RGS7BP: variants seen among roughly 807,000 people sequenced by gnomAD.
RGS7BP encodes regulator of G protein signaling 7-binding protein.
In RGS7BP, 9 loss-of-function variants were observed where a neutral mutation model predicts 31.3. That is an observed-to-expected ratio of 0.29 (90% CI 0.17 to 0.50). The LOEUF is 0.50. RGS7BP is among the 20% of genes least tolerant of loss of function. RGS7BP has a pLI of 0.98. For synonymous variants in RGS7BP, 115 were observed against 120.1 expected (o/e 0.96, Z 0.28); for missense variants, 274 against 322.0 (o/e 0.85, Z 1.14).
At chr5:64,547,364 ATTC>A (rs1741682785) in intron 2 of RGS7BP, among the ~76,000 whole-genome samples, 1 of 152,212 alleles carries the variant, frequency 6.6e-6, no homozygotes. Flanking sequence ...GTGTATGGAA[ATTC>A]TTCTCACCAA....
intron 5 of RGS7BP, among the ~76,000 whole-genome samples, chr5:64,604,353 T>G (rs1226708566): frequency 6.6e-6 from 1 of 152,120 alleles, no homozygotes; most frequent in African/African-American, 2.4e-5. Flanking sequence ...CTGCCTGGCA[T>G]TCTCATAGCA....
intron 2 of RGS7BP, among the ~76,000 whole-genome samples, chr5:64,558,029 A>G (rs923526718): frequency 1.3e-5 from 2 of 152,104 alleles, no homozygotes; most frequent in African/African-American, 4.8e-5. Flanking sequence ...CACACCCTCC[A>G]GGAGGCCTCC....
At chr5:64,583,137 C>T (rs1259400680) in intron 3 of RGS7BP, among the ~76,000 whole-genome samples, 4 of 152,162 alleles carry the variant, frequency 2.6e-5, no homozygotes, top group Non-Finnish European at 5.9e-5. Context: ...CCTGTAATCC[C>T]AGTACTTTGG....
At chr5:64,566,239 A>G (rs935251198) in intron 2 of RGS7BP, among the ~76,000 whole-genome samples, 2 of 151,802 alleles carry the variant, frequency 1.3e-5, no homozygotes, top group African/African-American at 4.9e-5. Flanking sequence ...AGCTGTTGAC[A>G]GCTGATGTGA....
chr5:64,564,898 C>A lies in RGS7BP; in HGVS notation c.333-10876C>A, dbSNP rs75661924. On this transcript the variant is annotated intron_variant, in intron 2 of 5. Transcript: ENST00000334025. ...ACAGTTAAGTGCTGCCACTCCAGAG[C>A]AGGCCTGTTGCCATCATCTTCTGAC... Among the ~76,000 whole-genome samples the A allele has an allele frequency of 7.1e-3, 1,075 of 152,108 alleles. 10 individuals are homozygous for A. Among genetic ancestry groups the A allele is most frequent in the African/African-American group, 0.024 (990 of 41,520 alleles).
intron 2 of RGS7BP, among the ~76,000 whole-genome samples, chr5:64,524,456 G>C (rs994180604): frequency 1.3e-5 from 2 of 152,058 alleles, no homozygotes; most frequent in Non-Finnish European, 2.9e-5. Flanking sequence ...TGCATTTGAA[G>C]GGAAACTGGA....
intron 2 of RGS7BP, among the ~76,000 whole-genome samples, chr5:64,553,643 G>A (rs930654078): frequency 6.6e-6 from 1 of 151,898 alleles, no homozygotes; most frequent in Non-Finnish European, 1.5e-5. Flanking sequence ...AGGCTTCATA[G>A]TTCTATGACC....
intron 2 of RGS7BP, among the ~76,000 whole-genome samples, chr5:64,536,039 T>G (rs1206788864): frequency 6.6e-6 from 1 of 152,182 alleles, no homozygotes; most frequent in African/African-American, 2.4e-5. Flanking sequence ...CACAGAAGGA[T>G]AATTTGTCAC....
intron 2 of RGS7BP, among the ~76,000 whole-genome samples, chr5:64,525,014 G>C (rs1749196922): frequency 6.6e-6 from 1 of 152,032 alleles, no homozygotes; most frequent in Admixed American, 6.6e-5. Context: ...TAAACTTCAT[G>C]TATTTCTTGT....
At chr5:64,570,410 C>A (rs1305742346) in intron 2 of RGS7BP, among the ~76,000 whole-genome samples, 2 of 152,160 alleles carry the variant, frequency 1.3e-5, no homozygotes, top group East Asian at 3.9e-4. Flanking sequence ...TTCTAAGGAG[C>A]AAACCTATAT....
At chr5:64,543,500 T>C (rs1049177688) in intron 2 of RGS7BP, among the ~76,000 whole-genome samples, 12 of 152,144 alleles carry the variant, frequency 7.9e-5, no homozygotes, top group Admixed American at 5.9e-4. Context: ...GTGACAGTTA[T>C]CTCTCACTCA....
chr5:64,595,202 C>T (rs1397847784), intron 4 of RGS7BP, among the ~76,000 whole-genome samples: 2 of 152,174 alleles, frequency 1.3e-5, no homozygotes, highest in East Asian at 3.8e-4. Context: ...CATGCTGTCA[C>T]AGTTCACCTA....
intron 5 of RGS7BP, among the ~76,000 whole-genome samples, chr5:64,603,432 T>G (rs1034952055): frequency 2.0e-5 from 3 of 152,120 alleles, no homozygotes; most frequent in East Asian, 1.9e-4. Context: ...CTGAGAGGAC[T>G]GAAACACAGA....
intron 2 of RGS7BP, among the ~76,000 whole-genome samples, chr5:64,529,030 T>C (rs1028688337): frequency 6.6e-6 from 1 of 152,116 alleles, no homozygotes; most frequent in African/African-American, 2.4e-5. Context: ...AACACTTTTA[T>C]TGTAATTCAG....
At chr5:64,514,761 G>C (rs1198938573) in intron 2 of RGS7BP, among the ~76,000 whole-genome samples, 1 of 152,126 alleles carries the variant, frequency 6.6e-6, no homozygotes, top group Non-Finnish European at 1.5e-5. Flanking sequence ...TGAGCAGGTG[G>C]TGGCCCCTCA....
chr5:64,542,963 G>A (rs1741561765), intron 2 of RGS7BP, among the ~76,000 whole-genome samples: 1 of 152,178 alleles, frequency 6.6e-6, no homozygotes, highest in South Asian at 2.1e-4. Flanking sequence ...TCTTGTGGAA[G>A]TAGACTCATT....
intron 2 of RGS7BP, among the ~76,000 whole-genome samples, chr5:64,552,377 T>C (rs1430733894): frequency 6.6e-6 from 1 of 152,216 alleles, no homozygotes; most frequent in Non-Finnish European, 1.5e-5. Context: ...AGTCAGTTTT[T>C]AGACTATCTT....
At chr5:64,517,076 T>G (rs527701408) in intron 2 of RGS7BP, among the ~76,000 whole-genome samples, 1 of 150,812 alleles carries the variant, frequency 6.6e-6, no homozygotes, top group East Asian at 2.0e-4. Context: ...AGTGGCTCCA[T>G]GAAACCAGAT....
At chr5:64,596,946 T>C (rs942325304) in intron 4 of RGS7BP, among the ~76,000 whole-genome samples, 3 of 152,144 alleles carry the variant, frequency 2.0e-5, no homozygotes, top group Non-Finnish European at 2.9e-5. Flanking sequence ...TGACTGTCTT[T>C]CCTCAAATAA....
Sources: gnomAD v4.1 joint callset for allele counts (sites outside exome capture counted in the v4.1 genomes callset) on GRCh38, gnomAD v4.1.1 for gene constraint, MANE v1.5 for transcripts, NCBI Gene and HGNC (gene_info 2026-07-23, HGNC 2026-07-21) for gene names.